Variants in IMMP2L observed in about 807,000 individuals in gnomAD.
IMMP2L encodes the protein mitochondrial inner membrane protease subunit 2.
IMMP2L carries 18 observed loss-of-function variants against 19.3 expected under a neutral mutation model. The observed-to-expected ratio is 0.93, with a 90% confidence interval of 0.64 to 1.38. The LOEUF (loss-of-function observed/expected upper bound fraction) is 1.38, where lower values mean the gene tolerates loss of function less well. IMMP2L is among the 40% of genes most tolerant of loss of function. IMMP2L has a pLI of 0.00. For missense variants in IMMP2L, 233 were observed against 218.2 expected, an observed-to-expected ratio of 1.07 and a Z score of -0.43; for synonymous variants, 76 against 73.0, an observed-to-expected ratio of 1.04 and a Z score of -0.21.
rs539668725 is a variant in IMMP2L, at chr7:110,803,278, G to T, written c.408+83315C>A. 6.6e-6 allele frequency among the ~76,000 whole-genome samples: 1 copy of T among 152,154 alleles called. No homozygotes were observed. Among genetic ancestry groups the T allele is most frequent in the South Asian group, 2.1e-4 (1 of 4,814 alleles). On this transcript the variant is annotated intron_variant, in intron 5 of 5. Coordinates refer to ENST00000405709, the MANE Select transcript of IMMP2L (RefSeq NM_032549.4). The surrounding 1 kb of genome is among the most constrained non-coding windows in gnomAD (Gnocchi z 4.2). ...CCAAAGAAGAGAGGGTTAGGAAGCA[G>T]CTGTGAGGTATGAGTTGCAGAGCTT... is the stretch of plus-strand genomic sequence containing the variant.
intron 3 of IMMP2L, among the ~76,000 whole-genome samples, chr7:111,075,369 C>G (rs1795312282): frequency 6.6e-6 from 1 of 152,070 alleles, no homozygotes; most frequent in Admixed American, 6.6e-5. Flanking sequence ...CTCAACTGAT[C>G]CAACCGCCTT....
intron 3 of IMMP2L, among the ~76,000 whole-genome samples, chr7:111,195,425 G>A (rs1586775513): frequency 6.6e-6 from 1 of 151,522 alleles, no homozygotes; most frequent in African/African-American, 2.4e-5. Context: ...AACTTGCAAG[G>A]AATAAAAAAG....
chr7:111,238,303 C>A (rs975284130), intron 3 of IMMP2L, among the ~76,000 whole-genome samples: 6 of 151,558 alleles, frequency 4.0e-5, no homozygotes, highest in African/African-American at 1.2e-4. Flanking sequence ...CCCTATGGAA[C>A]CTGTAAGGTT....
intron 3 of IMMP2L, among the ~76,000 whole-genome samples, chr7:111,430,654 T>C (rs892778482): frequency 3.9e-5 from 6 of 151,946 alleles, no homozygotes; most frequent in African/African-American, 1.2e-4. Context: ...TTTAAACTAT[T>C]AATCTTTTTA....
chr7:111,005,073 T>C (rs56379568), intron 3 of IMMP2L, among the ~76,000 whole-genome samples: 69,056 of 152,000 alleles, frequency 0.45, 17,419 homozygotes, highest in Non-Finnish European at 0.58. Context: ...CTCAGAAGGA[T>C]TGGAGTATGT....
intron 3 of IMMP2L, among the ~76,000 whole-genome samples, chr7:111,233,726 G>A (rs906716006): frequency 1.3e-5 from 2 of 152,072 alleles, no homozygotes; most frequent in South Asian, 2.1e-4. Flanking sequence ...CTTACAATGT[G>A]AACTCAGCAA....
At chr7:111,054,266 T>C (rs1255245155) in intron 3 of IMMP2L, among the ~76,000 whole-genome samples, 7 of 152,228 alleles carry the variant, frequency 4.6e-5, no homozygotes, top group African/African-American at 1.7e-4. Flanking sequence ...TTCTGTTGTT[T>C]TGACTTTTTA....
At chr7:111,159,270 C>G (rs556341844) in intron 3 of IMMP2L, among the ~76,000 whole-genome samples, 31 of 152,166 alleles carry the variant, frequency 2.0e-4, no homozygotes, top group Non-Finnish European at 3.4e-4. Flanking sequence ...CATCTGCCAC[C>G]ACGCCCAGCT....
At chr7:110,922,833 G>GT (rs1446809037) in intron 4 of IMMP2L, among the ~76,000 whole-genome samples, 2 of 152,250 alleles carry the variant, frequency 1.3e-5, no homozygotes, top group Non-Finnish European at 2.9e-5. Context: ...TGGATGTAAT[G>GT]TTTTTCTCAT....
chr7:111,336,703 C>A (rs114948679), intron 3 of IMMP2L, among the ~76,000 whole-genome samples: 3,273 of 152,020 alleles, frequency 0.022, 124 homozygotes, highest in African/African-American at 0.075. Context: ...AATGAAAGTT[C>A]TCTCTTCAAT....
intron 3 of IMMP2L, among the ~76,000 whole-genome samples, chr7:110,997,134 C>G (rs1173499183): frequency 6.6e-6 from 1 of 151,986 alleles, no homozygotes; most frequent in Non-Finnish European, 1.5e-5. Context: ...GTTGTCATTT[C>G]AAGAATGTGA....
chr7:111,237,829 A>G (rs890742726), intron 3 of IMMP2L, among the ~76,000 whole-genome samples: 5 of 152,046 alleles, frequency 3.3e-5, no homozygotes, highest in African/African-American at 1.2e-4. Flanking sequence ...AAAGTAAAAT[A>G]GCCTTCAAGA....
chr7:110,886,568 A>G, intron 5 of IMMP2L, 25 bp downstream of exon 5: 2 of 1,291,888 alleles, frequency 1.5e-6, no homozygotes, highest in South Asian at 2.4e-5. Context: ...CAATTACATC[A>G]ACAAGAAGAT....
chr7:111,256,964 T>G (rs1006665910), intron 3 of IMMP2L, among the ~76,000 whole-genome samples: 3 of 152,084 alleles, frequency 2.0e-5, no homozygotes, highest in Non-Finnish European at 4.4e-5. Flanking sequence ...TTTTTCTAAG[T>G]AAGCACCTTA....
At chr7:111,396,370 A>C (rs986892828) in intron 3 of IMMP2L, among the ~76,000 whole-genome samples, 2 of 152,130 alleles carry the variant, frequency 1.3e-5, no homozygotes, top group Non-Finnish European at 2.9e-5. Context: ...ACATGGATAA[A>C]GCTGGAAGCC....
At chr7:111,355,530 A>G (rs1373383683) in intron 3 of IMMP2L, among the ~76,000 whole-genome samples, 1 of 151,692 alleles carries the variant, frequency 6.6e-6, no homozygotes, top group Non-Finnish European at 1.5e-5. Flanking sequence ...TCTCTTCTTC[A>G]GTTATTCTCA....
intron 3 of IMMP2L, among the ~76,000 whole-genome samples, chr7:111,327,156 C>T (rs140795194): frequency 6.6e-6 from 1 of 151,848 alleles, no homozygotes; most frequent in East Asian, 1.9e-4. Flanking sequence ...ATACTGCATA[C>T]ATTCTACTTA....
At chr7:111,321,513 C>CT (rs570778544) in intron 3 of IMMP2L, among the ~76,000 whole-genome samples, 4 of 151,216 alleles carry the variant, frequency 2.6e-5, no homozygotes, top group East Asian at 1.9e-4. Context: ...CTACAACAAT[C>CT]TTTTTTTTTC....
intron 5 of IMMP2L, among the ~76,000 whole-genome samples, chr7:110,719,175 G>T (rs992776529): frequency 6.6e-6 from 1 of 152,166 alleles, no homozygotes; most frequent in South Asian, 2.1e-4. Flanking sequence ...ACAAACACTG[G>T]ACTGAACATG....
Sources: allele counts gnomAD v4.1 joint callset (sites outside exome capture counted in the v4.1 genomes callset), GRCh38; gene constraint gnomAD v4.1.1; non-coding constraint Gnocchi (gnomAD v3.1); transcripts MANE v1.5; gene names NCBI Gene and HGNC (gene_info 2026-07-23, HGNC 2026-07-21).